The following USP36 variants were observed in gnomAD, a reference collection of about 807,000 sequenced individuals.
USP36 encodes the protein ubiquitin carboxyl-terminal hydrolase 36.
A neutral mutation model predicts 111.5 loss-of-function variants in USP36; 59 were observed. The observed-to-expected ratio is 0.53, with a 90% CI of 0.43 to 0.66. The LOEUF is 0.66. USP36 is among the 30% of genes least tolerant of loss of function. USP36 has a pLI of 0.00. For missense variants in USP36, 1,488 were observed against 1,468.0 expected (o/e 1.01, Z -0.22); for synonymous variants, 628 against 581.0 (o/e 1.08, Z -1.16).
At chr17:78,806,857 G>T in intron 14 of USP36, 102 bp downstream of exon 14, 1 of 1,470,736 alleles carries the variant, frequency 6.8e-7, no homozygotes, top group Non-Finnish European at 9.2e-7. Flanking sequence ...CATGAGGGAG[G>T]CCAAAGCCCC....
chr17:78,831,227 A>C (rs1482642269), intron 4 of USP36, among the ~76,000 whole-genome samples: 1 of 129,716 alleles, frequency 7.7e-6, no homozygotes, highest in East Asian at 2.1e-4. Flanking sequence ...CTCCATCTCA[A>C]AAAAAAAAAA....
At chr17:78,816,386 G>A (rs1318992890) in intron 10 of USP36, among the ~76,000 whole-genome samples, 2 of 152,042 alleles carry the variant, frequency 1.3e-5, no homozygotes, top group Admixed American at 6.6e-5. Context: ...AACACTTTGG[G>A]AGGCCGAGGT....
intron 13 of USP36, among the ~76,000 whole-genome samples, chr17:78,810,339 G>A (rs1178625930): frequency 6.6e-6 from 1 of 152,042 alleles, no homozygotes; most frequent in Non-Finnish European, 1.5e-5. Flanking sequence ...CCAGGCTGGT[G>A]TGGAGTGGTA....
At chr17:78,820,745 T>A (rs1032304453) in intron 8 of USP36, among the ~76,000 whole-genome samples, 8 of 152,190 alleles carry the variant, frequency 5.3e-5, no homozygotes, top group African/African-American at 1.9e-4. Flanking sequence ...ACAGCGTTGT[T>A]CCTGTTCATG....
chr17:78,818,840 C>T, intron 9 of USP36, 62 bp from the exon 10 acceptor site: 3 of 1,570,722 alleles, frequency 1.9e-6, no homozygotes, highest in South Asian at 2.2e-5. Context: ...AAAATGTTGT[C>T]TTAACGCTAA....
chr17:78,824,616 T>A (rs912676285), intron 6 of USP36, among the ~76,000 whole-genome samples: 1 of 152,116 alleles, frequency 6.6e-6, no homozygotes, highest in Admixed American at 6.6e-5. Flanking sequence ...CAAAGAAATT[T>A]GAGAAATAAA....
At chr17:78,795,374 T>G (rs929565055), downstream of USP36, among the ~76,000 whole-genome samples, 1 of 152,200 alleles carries the variant, frequency 6.6e-6, no homozygotes, top group Non-Finnish European at 1.5e-5. The surrounding 1 kb of genome is among the most constrained non-coding windows in gnomAD (Gnocchi z 4.5). Flanking sequence ...TAAAGGGAGA[T>G]GCGGGGAGCC....
At chr17:78,816,331 TAA>T (rs1567943118) in intron 10 of USP36, among the ~76,000 whole-genome samples, 1 of 151,910 alleles carries the variant, frequency 6.6e-6, no homozygotes, top group African/African-American at 2.4e-5. Context: ...GGCCAATTAA[TAA>T]AAATTTTTTA....
At chr17:78,827,441 AG>A in intron 5 of USP36, 94 bp from the exon 6 acceptor site, 1 of 1,228,908 alleles carries the variant, frequency 8.1e-7, no homozygotes, top group East Asian at 2.5e-5. Context: ...GGCTGTTATA[AG>A]GGGAAAATAC....
At chr17:78,835,963 A>G in intron 3 of USP36, 148 bp downstream of exon 3, 2 of 1,133,612 alleles carry the variant, frequency 1.8e-6, no homozygotes, top group Middle Eastern at 3.0e-4. Flanking sequence ...CATTACTTCT[A>G]TAACTGAAAT....
At chr17:78,801,635 C>G (rs1250790574) in intron 17 of USP36, among the ~76,000 whole-genome samples, 2 of 152,164 alleles carry the variant, frequency 1.3e-5, no homozygotes, top group Admixed American at 6.5e-5. Context: ...CCAAGGACAG[C>G]CACAGCACAC....
intron 15 of USP36, among the ~76,000 whole-genome samples, chr17:78,804,856 A>G (rs1390131968): frequency 6.6e-6 from 1 of 152,198 alleles, no homozygotes; most frequent in Admixed American, 6.5e-5. Context: ...AGGAAAAAAA[A>G]GATCCCGTGA....
In USP36 at chr17:78,807,644, G is replaced by A. The variant is rs1373767609; in HGVS notation, c.1408-8C>T. ...CGTCCCAGAGTCTTGTCGCTAAGGA[G>A]ACCAAAGCAGAAAACACAACTGAGG... On this transcript the variant is annotated splice_polypyrimidine_tract_variant and splice_region_variant and intron_variant, in intron 13 of 20. Coordinates refer to ENST00000449938, the MANE Select transcript of USP36 (RefSeq NM_001385174.1). 2 of 1,515,262 alleles carry A rather than the reference G, an allele frequency of 1.3e-6. No homozygotes were observed. The highest frequency in any genetic ancestry group is 2.3e-5 in the East Asian group (1 of 43,874). The allele number at this position is 1,515,262 out of a possible 1,614,324, so 93.9% of individuals were successfully genotyped here.
At chr17:78,799,140 C>T in intron 18 of USP36, 117 bp from the exon 19 acceptor site, 1 of 1,015,300 alleles carries the variant, frequency 9.8e-7, no homozygotes. Context: ...ATTTTGAGTG[C>T]CACCTTGTGG....
At chr17:78,788,707 TGGG>T (rs1363688330) in intron 3 of USP36, among the ~76,000 whole-genome samples, 1 of 152,028 alleles carries the variant, frequency 6.6e-6, no homozygotes, top group East Asian at 1.9e-4. Flanking sequence ...CTCGGGTCCA[TGGG>T]GTAGGTATTG....
Position 78,803,922 on chromosome 17 carries a change from T to TG in USP36, c.2272dup (p.His758ProfsTer46). ...GGGGGTACTGGACAGCAATGTGGGG[T>TG]GGGGGCTGAAGGGGGGTTGCAGGCG... On this transcript the variant is annotated frameshift_variant, in exon 16 of 21. Transcript: ENST00000449938. LOFTEE classifies it high-confidence loss of function. This position sits in a 1 kb window ranked among gnomAD's most constrained non-coding sequence, Gnocchi z 4.6. 4.3e-6 allele frequency: 3 copies of TG among 699,586 alleles called. No homozygotes were observed. The highest frequency in any genetic ancestry group is 8.8e-5 in the Admixed American group (2 of 22,692). 43.3% of individuals were successfully genotyped at this position (699,586 alleles called of 1,614,324 possible).
Position 78,797,095 on chromosome 17 carries a change from G to C in USP36, c.*805C>G, listed in dbSNP as rs1218542973. 1 of 152,236 alleles carries C rather than the reference G, an allele frequency of 6.6e-6. No homozygotes were observed. The highest frequency in any genetic ancestry group is 1.5e-5 in the Non-Finnish European group (1 of 68,048). 9.4% of individuals were successfully genotyped at this position (152,236 alleles called of 1,614,324 possible). ...GTCAAAAATAAATGTTTTGTATTAA[G>C]TAGTAAAATAAATGGAGAATTCTAC... is the stretch of plus-strand genomic sequence containing the variant. On this transcript the variant is annotated 3_prime_UTR_variant, in exon 21 of 21. Transcript: ENST00000449938.
downstream of USP36, among the ~76,000 whole-genome samples, chr17:78,795,382 G>C (rs1331199796): frequency 6.6e-6 from 1 of 152,248 alleles, no homozygotes; most frequent in Admixed American, 6.5e-5. The surrounding 1 kb of genome is among the most constrained non-coding windows in gnomAD (Gnocchi z 4.5). Context: ...GATGCGGGGA[G>C]CCACACACAT....
chr17:78,808,045 A>T (rs1470959327), intron 13 of USP36, among the ~76,000 whole-genome samples: 3 of 152,190 alleles, frequency 2.0e-5, no homozygotes, highest in Non-Finnish European at 4.4e-5. Context: ...TAAAACCAGT[A>T]CATTTTCATC....
Sources: gnomAD v4.1 joint callset for allele counts (sites outside exome capture counted in the v4.1 genomes callset) on GRCh38, gnomAD v4.1.1 for gene constraint, Gnocchi (gnomAD v3.1) non-coding constraint, MANE v1.5 for transcripts, NCBI Gene and HGNC (gene_info 2026-07-23, HGNC 2026-07-21) for gene names.